The following CFAP263 variants were observed in gnomAD, a reference collection of about 807,000 sequenced individuals.
CFAP263 encodes cilia- and flagella-associated protein 263.
the CFAP263 span, among the ~76,000 whole-genome samples, chr16:58,251,829 CAT>C: frequency 6.6e-6 from 1 of 152,118 alleles, no homozygotes; most frequent in Non-Finnish European, 1.5e-5. Flanking sequence ...CATATACATA[CAT>C]ATGTGTGTGT....
chr16:58,277,612 A>C, the CFAP263 span, among the ~76,000 whole-genome samples: 2 of 113,378 alleles, frequency 1.8e-5, no homozygotes, highest in Non-Finnish European at 3.7e-5. Context: ...ATTTTTGTAC[A>C]CCCATGTTGA....
At chr16:58,255,708 G>A in the CFAP263 span, among the ~76,000 whole-genome samples, 1 of 151,800 alleles carries the variant, frequency 6.6e-6, no homozygotes, top group Non-Finnish European at 1.5e-5. Flanking sequence ...ACAGGCTCCT[G>A]CCGCCACCAC....
At chr16:58,278,712 G>T in the CFAP263 span, 1 of 1,410,482 alleles carries the variant, frequency 7.1e-7, no homozygotes, top group Admixed American at 1.7e-5. Context: ...TGTTCTTTGG[G>T]GTAAGAATAC....
At chr16:58,274,059 A>G in the CFAP263 span, among the ~76,000 whole-genome samples, 2 of 152,224 alleles carry the variant, frequency 1.3e-5, no homozygotes, top group East Asian at 3.8e-4. Flanking sequence ...CTCAGCCATC[A>G]GCCTTCATTA....
chr16:58,263,431 A>G, the CFAP263 span, among the ~76,000 whole-genome samples: 2 of 152,170 alleles, frequency 1.3e-5, no homozygotes, highest in Non-Finnish European at 2.9e-5. Flanking sequence ...TCTTGTTAAT[A>G]TAAGTACACA....
At chr16:58,250,008 C>A in the CFAP263 span, 2 of 1,574,188 alleles carry the variant, frequency 1.3e-6, no homozygotes, top group Non-Finnish European at 1.7e-6. Context: ...GCCGCTTCGG[C>A]AGAGTGATGA....
At chr16:58,257,656 G>A in the CFAP263 span, among the ~76,000 whole-genome samples, 5 of 144,580 alleles carry the variant, frequency 3.5e-5, no homozygotes, top group South Asian at 1.2e-3. Context: ...GAAATATAAA[G>A]TCTTTTTTTT....
chr16:58,252,716 C>G, the CFAP263 span: 1 of 1,611,982 alleles, frequency 6.2e-7, no homozygotes, highest in East Asian at 2.2e-5. Context: ...CTCAGGTACC[C>G]TGTCTTGCAG....
At chr16:58,259,252 A>G in the CFAP263 span, among the ~76,000 whole-genome samples, 1 of 152,184 alleles carries the variant, frequency 6.6e-6, no homozygotes, top group African/African-American at 2.4e-5. Flanking sequence ...AAATTGTTAT[A>G]GAGATGAGGT....
the CFAP263 span, among the ~76,000 whole-genome samples, chr16:58,273,654 C>T: frequency 6.6e-5 from 10 of 152,266 alleles, no homozygotes; most frequent in Middle Eastern, 3.4e-3. Flanking sequence ...ACTTCGTCTG[C>T]TAAGTCCACC....
At chr16:58,269,325 T>C in the CFAP263 span, among the ~76,000 whole-genome samples, 1 of 136,494 alleles carries the variant, frequency 7.3e-6, no homozygotes, top group Non-Finnish European at 1.6e-5. Context: ...AGGGAGACTC[T>C]GTCTCAAAAC....
At chr16:58,261,054 G>A in the CFAP263 span, among the ~76,000 whole-genome samples, 1 of 152,142 alleles carries the variant, frequency 6.6e-6, no homozygotes, top group Admixed American at 6.5e-5. Flanking sequence ...CCTACCTGGA[G>A]TGTCATGTCA....
chr16:58,282,768 G>C, the CFAP263 span: 48 of 152,420 alleles, frequency 3.1e-4, no homozygotes, highest in African/African-American at 1.1e-3. Flanking sequence ...GAATGACGTG[G>C]TTCCCCCTTT....
the CFAP263 span, among the ~76,000 whole-genome samples, chr16:58,269,148 C>A: frequency 1.2e-4 from 18 of 152,042 alleles, no homozygotes; most frequent in African/African-American, 3.9e-4. Context: ...GCCTGGCCAA[C>A]ATGGTGAAAC....
the CFAP263 span, among the ~76,000 whole-genome samples, chr16:58,266,898 C>T: frequency 6.6e-6 from 1 of 152,142 alleles, no homozygotes; most frequent in Non-Finnish European, 1.5e-5. Context: ...GGTGGTGGAG[C>T]CTGTGGGCTG....
chr16:58,278,708 T>C, the CFAP263 span: 1 of 1,462,150 alleles, frequency 6.8e-7, no homozygotes, highest in East Asian at 2.3e-5. Flanking sequence ...ATTTTGTTCT[T>C]TGGGGTAAGA....
the CFAP263 span, chr16:58,250,391 A>G: frequency 2.7e-6 from 1 of 372,510 alleles, no homozygotes; most frequent in African/African-American, 2.2e-5. Context: ...CTCTCATGCC[A>G]GACGGTGTGC....
the CFAP263 span, among the ~76,000 whole-genome samples, chr16:58,255,843 G>A: frequency 6.6e-6 from 1 of 151,980 alleles, no homozygotes; most frequent in African/African-American, 2.4e-5. Flanking sequence ...GATTACAGGC[G>A]TGAGCCATCG....
At chr16:58,270,411 G>C in the CFAP263 span, among the ~76,000 whole-genome samples, 1 of 151,948 alleles carries the variant, frequency 6.6e-6, no homozygotes, top group Non-Finnish European at 1.5e-5. Flanking sequence ...AAAACAGAAG[G>C]GTTATATCGG....
Sources: allele counts gnomAD v4.1 joint callset (sites outside exome capture counted in the v4.1 genomes callset), GRCh38; gene constraint gnomAD v4.1.1; transcripts MANE v1.5; gene names NCBI Gene and HGNC (gene_info 2026-07-23, HGNC 2026-07-21).